Variants in DMPK observed in about 807,000 individuals in gnomAD.
DMPK encodes myotonin-protein kinase.
Under a neutral mutation model 70.3 loss-of-function variants are expected in DMPK, and 32 were observed. That is an observed-to-expected ratio of 0.46 (90% confidence interval 0.34 to 0.61). DMPK has a LOEUF of 0.61. Ranked by LOEUF, DMPK falls within the 20% of genes least tolerant of loss-of-function variation. The pLI, the probability that DMPK is intolerant of heterozygous loss-of-function variation, is 0.01. For synonymous variants in DMPK, 469 were observed against 390.9 expected (o/e 1.20, Z -2.36); for missense variants, 899 against 886.0 (o/e 1.01, Z -0.19).
At position 45,769,939 on chromosome 19, in the gene DMPK, G is replaced by GT. The variant is rs1969227601; in HGVS notation, c.*548dup. 1 of 309,870 alleles carries GT rather than the reference G, an allele frequency of 3.2e-6. No homozygotes were observed. Among genetic ancestry groups the GT allele is most frequent in the Non-Finnish European group, 6.2e-6 (1 of 160,488 alleles). The allele number at this position is 309,870 out of a possible 1,614,324, so 19.2% of individuals were successfully genotyped here. ...GGCTGGGGCTCCGAGAGCAGCGCAA[G>GT]TGAGGAGGGGGGCGCGGGATCCCCG... On this transcript the variant is annotated 3_prime_UTR_variant, in exon 15 of 15. Transcript: ENST00000291270.
chr19:45,780,122 T>G (rs1970037097), intron 1 of DMPK: 1 of 1,447,710 alleles, frequency 6.9e-7, no homozygotes, highest in Non-Finnish European at 9.1e-7. Context: ...GCTCCAAGGG[T>G]GTGCAGGATG....
chr19:45,774,967 T>C lies in DMPK; in HGVS notation c.1214A>G (p.Tyr405Cys). 1.9e-6 allele frequency: 3 copies of C among 1,613,460 alleles called. No homozygotes were observed. The highest frequency in any genetic ancestry group is 2.5e-6 in the Non-Finnish European group (3 of 1,179,858). ...GVHLPFVGYS[Y>C]SCMALRDSEV... ...TGCTTACCTGAGGGCCATGCAGGAG[T>C]AGGAGTAGCCCACAAAAGGCAGGTG... Residue 405 changes from tyrosine (Y) to cysteine (C), a missense_variant, in exon 9 of 15, where the codon TAC becomes TGC. Tyr to Cys is a radical substitution (Grantham distance 194). Transcript: ENST00000291270.
rs758654664 is a variant in DMPK, at chr19:45,779,513, C to T, written c.262G>A (p.Val88Met). Residue 88 changes from valine to methionine, a missense_variant, in exon 3 of 15, where the codon GTG becomes ATG. Physicochemically the swap from Val to Met is conservative, Grantham distance 21. Around this residue, in one of 3 missense-constraint regions of DMPK, gnomAD observed 149 missense variants for 142.5 expected, o/e 1.05. Transcript: ENST00000291270. ...ACCTGGCCCGTCTGCTTCATCTTCA[C>T]TACCGCTACCTGAGGTCGAGATAGT... ...GRGAFSEVAV[V>M]KMKQTGQVYA... 1 of 1,613,826 alleles carries T rather than the reference C, an allele frequency of 6.2e-7. No individual in the cohort carries two copies. Among genetic ancestry groups the T allele is most frequent in the Admixed American group, 1.7e-5 (1 of 59,998 alleles).
At chr19:45,774,248 G>A (rs978315949) in intron 9 of DMPK, among the ~76,000 whole-genome samples, 2 of 144,172 alleles carry the variant, frequency 1.4e-5, no homozygotes, top group African/African-American at 2.6e-5. Context: ...CACCACACCC[G>A]GCCTAAATAA....
rs1233902379 is a variant in DMPK, at chr19:45,782,214, C to T, written c.139G>A (p.Val47Met). 1.9e-6 allele frequency: 3 copies of T among 1,588,068 alleles called. No individual in the cohort carries two copies. Among genetic ancestry groups the T allele is most frequent in the Non-Finnish European group, 2.6e-6 (3 of 1,167,432 alleles). ...TCACCCCACTGCAAGAAGTCGGCCA[C>T]GTACTTGTCCTGGGCCAGTTCGGAG... ...GASELAQDKY[V>M]ADFLQWAEPI... is the part of the protein sequence containing the mutation. The change falls in exon 1 of 15, where the codon GTG (valine) becomes ATG (methionine). Residue 47 changes from valine (V) to methionine (M), a missense_variant. Around this residue, in one of 3 missense-constraint regions of DMPK, gnomAD observed 149 missense variants for 142.5 expected, o/e 1.05. Coordinates refer to ENST00000291270, the MANE Select transcript of DMPK (RefSeq NM_004409.5).
At chr19:45,772,800 CTGGTG>C in intron 9 of DMPK, 48 bp from the exon 10 acceptor site, 3 of 1,124,648 alleles carry the variant, frequency 2.7e-6, no homozygotes, top group Non-Finnish European at 3.6e-6. Flanking sequence ...TGCTGATTCT[CTGGTG>C]GAGAACCAGA....
chr19:45,778,004 G>A, intron 6 of DMPK, 123 bp downstream of exon 6: 2 of 1,195,470 alleles, frequency 1.7e-6, no homozygotes, highest in Non-Finnish European at 1.2e-6. Context: ...CCACACAGAT[G>A]CACACTTAAG....
chr19:45,778,367 C>T, intron 5 of DMPK, 126 bp downstream of exon 5: 1 of 1,393,890 alleles, frequency 7.2e-7, no homozygotes, highest in South Asian at 1.3e-5. Flanking sequence ...CCCCTACTCC[C>T]AGGCACCCCC....
At chr19:45,770,725 C>A (rs1044968741) in intron 14 of DMPK, 85 bp from the exon 15 acceptor site, 56 of 1,419,088 alleles carry the variant, frequency 3.9e-5, no homozygotes, top group Non-Finnish European at 4.6e-5. Flanking sequence ...ATAGGTGGGC[C>A]CGCACTCTTC....
intron 1 of DMPK, chr19:45,780,433 A>C (rs1210527662): frequency 7.5e-7 from 1 of 1,326,250 alleles, no homozygotes; most frequent in Admixed American, 2.2e-5. Flanking sequence ...CACATATCCC[A>C]GACTCAAGTG....
chr19:45,771,462 C>T (rs1969437844), intron 12 of DMPK, 66 bp from the exon 13 acceptor site: 1 of 1,610,080 alleles, frequency 6.2e-7, no homozygotes, highest in Non-Finnish European at 8.5e-7. Flanking sequence ...CGCGGCGTGC[C>T]CCAGCGTGGG....
intron 3 of DMPK, 27 bp downstream of exon 3, chr19:45,779,412 G>GC: frequency 6.2e-6 from 10 of 1,613,814 alleles, no homozygotes; most frequent in Non-Finnish European, 8.5e-6. Context: ...GATCCTCAAA[G>GC]CCCCCCACGT....
At position 45,769,924 on chromosome 19, in the gene DMPK, C is replaced by T. The variant is rs1473432320; in HGVS notation, c.*564G>A. On this transcript the variant is annotated 3_prime_UTR_variant, in exon 15 of 15. Transcript: ENST00000291270. ...GAAGCGGGCGGAGCCGGCTGGGGCT[C>T]CGAGAGCAGCGCAAGTGAGGAGGGG... is the stretch of plus-strand genomic sequence containing the variant. 3.4e-6 allele frequency: 1 copy of T among 290,538 alleles called. No individual in the cohort carries two copies. The highest frequency in any genetic ancestry group is 2.3e-5 in the African/African-American group (1 of 43,364). The allele number at this position is 290,538 out of a possible 1,614,324, so 18.0% of individuals were successfully genotyped here. A position where few individuals can be genotyped will look rare whatever the true frequency, so the allele number is the denominator to read the frequency against.
At position 45,770,079 on chromosome 19, in the gene DMPK, A is replaced by G. The variant is rs566878606; in HGVS notation, c.*409T>C. 1.9e-6 allele frequency: 1 copy of G among 517,590 alleles called. No homozygotes were observed. Among genetic ancestry groups the G allele is most frequent in the East Asian group, 3.8e-5 (1 of 26,106 alleles). 32.1% of individuals were successfully genotyped at this position (517,590 alleles called of 1,614,324 possible). A position where few individuals can be genotyped will look rare whatever the true frequency, so the allele number is the denominator to read the frequency against. ...AAGCTTTGCACTTTGCGAACCAACG[A>G]TAGGTGGGGGTGCGTGGAGGATGGA... On this transcript the variant is annotated 3_prime_UTR_variant, in exon 15 of 15. Coordinates refer to ENST00000291270, the MANE Select transcript of DMPK (RefSeq NM_004409.5).
rs763083772 is a variant in DMPK at position 45,778,615 on chromosome 19, G to A, written c.459C>T (p.Gly153=). The change falls in exon 5 of 15, where the codon GGC becomes GGT. Residue 153 remains glycine, a synonymous_variant. Coordinates refer to ENST00000291270, the MANE Select transcript of DMPK (RefSeq NM_004409.5). ...TGCTCAGCAGTGTCAGCAGGTCCCC[G>A]CCCACGTAATACTCCATGACCAGGT... The part of the protein sequence containing the change: ...YLYLVMEYYV[G]GDLLTLLSKF... 1.2e-6 allele frequency: 2 copies of A among 1,613,818 alleles called. No homozygotes were observed. Among genetic ancestry groups the A allele is most frequent in the Admixed American group, 1.7e-5 (1 of 60,010 alleles).
At chr19:45,780,057 C>A (rs781010588) in intron 1 of DMPK, 188 bp from the exon 2 acceptor site, 11 of 1,530,308 alleles carry the variant, frequency 7.2e-6, no homozygotes, top group Non-Finnish European at 8.8e-6. Context: ...AATGCCCTCC[C>A]ATAGAGGTGA....
At chr19:45,779,627 C>G (rs71352290) in intron 2 of DMPK, 105 bp from the exon 3 acceptor site, 1 of 1,564,562 alleles carries the variant, frequency 6.4e-7, no homozygotes, top group South Asian at 1.2e-5. Flanking sequence ...CCCGCCCCAC[C>G]TGCCACACCA....
In DMPK at chr19:45,779,645, T is replaced by C; in HGVS notation, c.253-123A>G. 8.3e-6 allele frequency: 13 copies of C among 1,558,290 alleles called. No individual in the cohort carries two copies. The South Asian group carries it at 1.3e-4, about 16-fold the overall frequency. On this transcript the variant is annotated intron_variant, in intron 2 of 14. Coordinates refer to ENST00000291270, the MANE Select transcript of DMPK (RefSeq NM_004409.5). Reference sequence around the variant, plus strand: ...GCCCCACCTGCCACACCACGCCCATTGGTCCCAAGCCCCGCCTCCAGCCCA... The same window carrying C: ...GCCCCACCTGCCACACCACGCCCATCGGTCCCAAGCCCCGCCTCCAGCCCA...
At position 45,770,087 on chromosome 19, in the gene DMPK, G is replaced by C. The variant is rs1431862356; in HGVS notation, c.*401C>G. 1 of 538,152 alleles carries C rather than the reference G, an allele frequency of 1.9e-6. No homozygotes were observed. Among genetic ancestry groups the C allele is most frequent in the Admixed American group, 2.6e-5 (1 of 37,844 alleles). The allele number at this position is 538,152 out of a possible 1,614,324, so 33.3% of individuals were successfully genotyped here. A position where few individuals can be genotyped will look rare whatever the true frequency, so the allele number is the denominator to read the frequency against. Reference sequence around the variant, plus strand: ...CACTTTGCGAACCAACGATAGGTGGGGGTGCGTGGAGGATGGAACACGGAC... The same window carrying C: ...CACTTTGCGAACCAACGATAGGTGGCGGTGCGTGGAGGATGGAACACGGAC... On this transcript the variant is annotated 3_prime_UTR_variant, in exon 15 of 15. Coordinates refer to ENST00000291270, the MANE Select transcript of DMPK (RefSeq NM_004409.5).
Sources: allele counts gnomAD v4.1 joint callset (sites outside exome capture counted in the v4.1 genomes callset), GRCh38; gene constraint gnomAD v4.1.1; regional missense constraint gnomAD v4.1.1; transcripts MANE v1.5; gene names NCBI Gene and HGNC (gene_info 2026-07-23, HGNC 2026-07-21).